The following A2ML1 variants were observed in gnomAD, a reference collection of about 807,000 sequenced individuals.
The protein encoded by A2ML1 is alpha-2-macroglobulin like 1.
In A2ML1, 161 loss-of-function variants were observed where a neutral mutation model predicts 181.9. That is an observed-to-expected ratio of 0.89 (90% CI 0.78 to 1.01). The LOEUF (loss-of-function observed/expected upper bound fraction) is 1.01. Ranked by LOEUF, A2ML1 falls within the 50% of genes least tolerant of loss-of-function variation. The pLI is 0.00. For synonymous variants in A2ML1, 663 were observed against 666.8 expected (o/e 0.99, Z 0.09); for missense variants, 1,670 against 1,768.1 (o/e 0.94, Z 1.00).
exon 8 of A2ML1, chr12:8,886,705 A>T (rs1388380074): frequency 1.3e-5 from 2 of 152,104 alleles, no homozygotes; most frequent in East Asian, 3.8e-4. Flanking sequence ...ATCCTCTGTG[A>T]TTATGCATTT....
At chr12:8,877,170 G>A (rs778938094), downstream of A2ML1, among the ~76,000 whole-genome samples, 1 of 152,306 alleles carries the variant, frequency 6.6e-6, no homozygotes, top group African/African-American at 2.4e-5. Context: ...TGGAGGCAAA[G>A]GGATAAGGGA....
chr12:8,837,143 C>T (rs140708137), intron 7 of A2ML1, among the ~76,000 whole-genome samples: 84 of 152,182 alleles, frequency 5.5e-4, no homozygotes, highest in African/African-American at 1.7e-3. Context: ...CTCTTCCTCC[C>T]GGAGAAGCTG....
chr12:8,834,530 A>T, intron 4 of A2ML1, 132 bp from the exon 5 acceptor site: 1 of 1,129,510 alleles, frequency 8.9e-7, no homozygotes, highest in Non-Finnish European at 1.3e-6. Context: ...CAAAAGAGCC[A>T]TTTAGAAAGG....
At chr12:8,838,914 T>TAAAA (rs11314317) in intron 9 of A2ML1, among the ~76,000 whole-genome samples, 199 bp from the exon 10 acceptor site, 2 of 110,694 alleles carry the variant, frequency 1.8e-5, no homozygotes, top group African/African-American at 6.7e-5. Flanking sequence ...GACTCCATCT[T>TAAAA]AAAAAAAAAA....
intron 6 of A2ML1, 103 bp from the exon 7 acceptor site, chr12:8,836,152 G>A (rs12371115): frequency 1.2e-6 from 1 of 868,718 alleles, no homozygotes. Context: ...TCCTTCATTA[G>A]ATCCATTAAT....
chr12:8,839,019 C>T (rs1404833532), intron 9 of A2ML1, 94 bp from the exon 10 acceptor site: 3 of 791,130 alleles, frequency 3.8e-6, no homozygotes, highest in Admixed American at 6.2e-5. Context: ...TCAACTTCAT[C>T]CCTCTGCCAC....
At chr12:8,835,944 T>C (rs1483178230) in intron 6 of A2ML1, among the ~76,000 whole-genome samples, 6 of 133,570 alleles carry the variant, frequency 4.5e-5, no homozygotes, top group Admixed American at 3.6e-4. Context: ...ACCTGGGAGG[T>C]GCAGCTTGCA....
Position 8,852,190 on chromosome 12 carries a change from C to G in A2ML1, c.2464-20C>G, listed in dbSNP as rs775801378. On this transcript the variant is annotated intron_variant, in intron 19 of 35. Transcript: ENST00000299698. This position sits in a 1 kb window ranked among gnomAD's most constrained non-coding sequence, Gnocchi z 4.2. ...TACCTCCTTTGTTTGTACCCTTTGT[C>G]TCTTAAACATCCTCCGTAGGTTCAG... 1 of 1,613,814 alleles carries G rather than the reference C, an allele frequency of 6.2e-7. No individual in the cohort carries two copies. The highest frequency in any genetic ancestry group is 1.1e-5 in the South Asian group (1 of 91,036).
Position 8,851,767 on chromosome 12 carries a change from T to G in A2ML1, c.2235-17T>G. ...CCACGCTACCTCTGCCTCATGTTGG[T>G]CCTTGTGTTTTCACAGTAACTCGGG... On this transcript the variant is annotated splice_polypyrimidine_tract_variant and intron_variant, in intron 18 of 35. Transcript: ENST00000299698. 1 of 1,613,216 alleles carries G rather than the reference T, an allele frequency of 6.2e-7. No individual in the cohort carries two copies. Among genetic ancestry groups the G allele is most frequent in the Non-Finnish European group, 8.5e-7 (1 of 1,179,660 alleles).
chr12:8,839,208 C>T lies in A2ML1; in HGVS notation c.1066C>T (p.Pro356Ser), dbSNP rs753186530. ...DTSNFYHPNFPFSGKIRVRGH... is the reference protein window; with the variant it reads ...DTSNFYHPNFSFSGKIRVRGH... ...CAGCAATTTTTACCATCCAAATTTC[C>T]CCTTCAGTGGGAAGGTATGTTAAAA... Residue 356 changes from proline (P) to serine (S), a missense_variant, in exon 10 of 36, where the codon CCC becomes TCC. Coordinates refer to ENST00000299698, the MANE Select transcript of A2ML1 (RefSeq NM_144670.6). 2.2e-5 allele frequency: 35 copies of T among 1,612,724 alleles called. No homozygotes were observed. The African/African-American group carries it at 4.5e-4, about 21-fold the overall frequency.
intron 29 of A2ML1, among the ~76,000 whole-genome samples, chr12:8,865,329 C>T (rs1448126568): frequency 2.0e-5 from 3 of 150,858 alleles, no homozygotes; most frequent in Admixed American, 6.6e-5. Context: ...CACCTGAGGT[C>T]GGGAGTTCGA....
chr12:8,855,481 G>A, intron 22 of A2ML1, 28 bp from the exon 23 acceptor site: 2 of 1,610,446 alleles, frequency 1.2e-6, no homozygotes, highest in East Asian at 2.2e-5. Flanking sequence ...ATCTTCTATT[G>A]TGTCACCTTT....
intron 11 of A2ML1, among the ~76,000 whole-genome samples, chr12:8,842,413 G>GT (rs1293757278): frequency 6.6e-6 from 1 of 151,766 alleles, no homozygotes; most frequent in Non-Finnish European, 1.5e-5. Flanking sequence ...TAGAGATGGG[G>GT]TTTCACTGTG....
At chr12:8,846,706 G>A (rs913025690) in intron 14 of A2ML1, among the ~76,000 whole-genome samples, 1 of 151,820 alleles carries the variant, frequency 6.6e-6, no homozygotes, top group African/African-American at 2.4e-5. Context: ...AGCTACTTGG[G>A]AGGCTGAGGC....
At position 8,852,151 on chromosome 12, in the gene A2ML1, A is replaced by G; in HGVS notation, c.2464-59A>G. 1.2e-6 allele frequency: 2 copies of G among 1,606,404 alleles called. No individual in the cohort carries two copies. The highest frequency in any genetic ancestry group is 1.7e-6 in the Non-Finnish European group (2 of 1,175,788). The stretch of plus-strand genomic sequence containing the variant: ...GGCGTCTCAGCCCCCAGGTTTCCCC[A>G]GGCCTCTATGCACTACCTCCTTTGT... On this transcript the variant is annotated intron_variant, in intron 19 of 35. Coordinates refer to ENST00000299698, the MANE Select transcript of A2ML1 (RefSeq NM_144670.6). This position sits in a 1 kb window ranked among gnomAD's most constrained non-coding sequence, Gnocchi z 4.2.
chr12:8,851,265 A>G (rs1943878210), intron 18 of A2ML1, among the ~76,000 whole-genome samples: 1 of 152,204 alleles, frequency 6.6e-6, no homozygotes, highest in African/African-American at 2.4e-5. Context: ...GTGCTTGCAC[A>G]GAGATGCCCA....
chr12:8,861,112 T>C (rs752305831), intron 27 of A2ML1, 23 bp from the exon 28 acceptor site: 3 of 1,613,560 alleles, frequency 1.9e-6, no homozygotes, highest in Admixed American at 3.3e-5. Context: ...TTATAAGTTA[T>C]AGTCTTCATC....
intron 11 of A2ML1, among the ~76,000 whole-genome samples, chr12:8,842,444 C>A (rs908447214): frequency 6.6e-6 from 1 of 152,096 alleles, no homozygotes; most frequent in African/African-American, 2.4e-5. Flanking sequence ...TGGTCTCGAT[C>A]TCCTGACCTC....
chr12:8,853,897 G>A, intron 20 of A2ML1, among the ~76,000 whole-genome samples: 1 of 152,132 alleles, frequency 6.6e-6, no homozygotes, highest in East Asian at 1.9e-4. Flanking sequence ...AGGATGCAGG[G>A]ATCTCTGAGG....
Sources: allele counts gnomAD v4.1 joint callset (sites outside exome capture counted in the v4.1 genomes callset), GRCh38; gene constraint gnomAD v4.1.1; non-coding constraint Gnocchi (gnomAD v3.1); transcripts MANE v1.5; gene names NCBI Gene and HGNC (gene_info 2026-07-23, HGNC 2026-07-21).